The following PARD3 variants were observed in gnomAD, a reference collection of about 807,000 sequenced individuals.
PARD3 encodes the protein partitioning defective 3 homolog.
Under a neutral mutation model 155.4 loss-of-function variants are expected in PARD3, and 75 were observed. The ratio of observed to expected loss-of-function variants is 0.48; its 90% CI spans 0.40 to 0.58. PARD3 has a LOEUF of 0.58. PARD3 is among the 20% of genes least tolerant of loss of function. The pLI, the probability that PARD3 is intolerant of heterozygous loss-of-function variation, is 0.00. For synonymous variants in PARD3, 576 were observed against 610.5 expected, an observed-to-expected ratio of 0.94 and a Z score of 0.83; for missense variants, 1,642 against 1,721.7, an observed-to-expected ratio of 0.95 and a Z score of 0.82.
intron 14 of PARD3, among the ~76,000 whole-genome samples, chr10:34,353,153 G>C (rs1379283529): frequency 6.6e-6 from 1 of 152,032 alleles, no homozygotes; most frequent in Non-Finnish European, 1.5e-5. Context: ...CGCCCGGCCA[G>C]CCGCCCCGTC....
chr10:34,535,894 G>C lies in PARD3; in HGVS notation c.223-18735C>G, dbSNP rs886498045. ...CCATGTCAATGCTCAAAATTTTGTTGGTACAAAAATGCTTTTCCTTCAAAG... is the reference window on the plus strand; with the variant it reads ...CCATGTCAATGCTCAAAATTTTGTTCGTACAAAAATGCTTTTCCTTCAAAG... On this transcript the variant is annotated intron_variant, in intron 2 of 24. Coordinates refer to ENST00000374788, the MANE Select transcript of PARD3 (RefSeq NM_001184785.2). Among the ~76,000 whole-genome samples the C allele has an allele frequency of 3.9e-5, 6 of 151,934 alleles. No homozygotes were observed. The East Asian group carries it at 1.2e-3, about 29-fold the overall frequency.
chr10:34,730,740 C>T (rs2094802405), intron 1 of PARD3, among the ~76,000 whole-genome samples: 1 of 152,152 alleles, frequency 6.6e-6, no homozygotes, highest in Non-Finnish European at 1.5e-5. Context: ...TGAGCTATGA[C>T]TGCAACACTG....
intron 2 of PARD3, among the ~76,000 whole-genome samples, chr10:34,607,583 T>G (rs1317628209): frequency 2.0e-5 from 3 of 152,236 alleles, no homozygotes; most frequent in Admixed American, 6.5e-5. Flanking sequence ...AGGTGATATC[T>G]GTTCACATGA....
chr10:34,334,001 A>AT (rs1298310775), intron 18 of PARD3, among the ~76,000 whole-genome samples: 1 of 151,962 alleles, frequency 6.6e-6, no homozygotes, highest in Non-Finnish European at 1.5e-5. Flanking sequence ...AGTAATGAAA[A>AT]TTGAAAAAGT....
chr10:34,197,197 T>C (rs1469989408), intron 22 of PARD3, among the ~76,000 whole-genome samples: 18 of 152,220 alleles, frequency 1.2e-4, no homozygotes, highest in Admixed American at 9.2e-4. Flanking sequence ...AAACGATCTA[T>C]CACAGTGACC....
At chr10:34,481,289 C>A (rs1319578471) in intron 3 of PARD3, among the ~76,000 whole-genome samples, 1 of 152,094 alleles carries the variant, frequency 6.6e-6, no homozygotes, top group Non-Finnish European at 1.5e-5. Context: ...AGTGTGTGTT[C>A]AGGGACTCCT....
intron 2 of PARD3, among the ~76,000 whole-genome samples, chr10:34,624,096 C>G (rs1274502243): frequency 6.6e-6 from 1 of 152,176 alleles, no homozygotes; most frequent in Non-Finnish European, 1.5e-5. Flanking sequence ...TCCTATTCCA[C>G]ATGGTTTTTT....
At chr10:34,142,499 C>T (rs1182484480) in intron 22 of PARD3, among the ~76,000 whole-genome samples, 1 of 151,316 alleles carries the variant, frequency 6.6e-6, no homozygotes, top group East Asian at 1.9e-4. Context: ...TGCACCACTG[C>T]ACTCTAGCCT....
At chr10:34,359,389 TAATA>T (rs1355467878) in intron 13 of PARD3, 72 bp from the exon 14 acceptor site, 3 of 1,095,374 alleles carry the variant, frequency 2.7e-6, no homozygotes, top group Non-Finnish European at 3.9e-6. Context: ...TTCCTTTAGT[TAATA>T]AATAAAATAA....
intron 14 of PARD3, among the ~76,000 whole-genome samples, chr10:34,352,493 G>C (rs1429670436): frequency 6.6e-6 from 1 of 152,212 alleles, no homozygotes; most frequent in Non-Finnish European, 1.5e-5. Context: ...TTGCAGGCAC[G>C]CGCCGCCACG....
chr10:34,814,826 G>GCGCCGTCCCCGC (rs1588884786), intron 1 of PARD3, 50 bp downstream of exon 1: 3 of 1,299,636 alleles, frequency 2.3e-6, no homozygotes, highest in Admixed American at 2.2e-5. Flanking sequence ...ATTGATCCCG[G>GCGCCGTCCCCGC]CGCCGTCCCC....
chr10:34,294,305 T>C (rs530235905), intron 20 of PARD3, among the ~76,000 whole-genome samples: 2 of 152,340 alleles, frequency 1.3e-5, no homozygotes, highest in East Asian at 1.9e-4. Context: ...GTGATACACA[T>C]ACATACGTTA....
chr10:34,761,852 T>A (rs1247745523), intron 1 of PARD3, among the ~76,000 whole-genome samples: 2 of 152,166 alleles, frequency 1.3e-5, no homozygotes, highest in East Asian at 1.9e-4. Context: ...ATGTATATCA[T>A]GATAAACGAA....
At chr10:34,271,184 A>G (rs1303005973) in intron 21 of PARD3, among the ~76,000 whole-genome samples, 1 of 152,184 alleles carries the variant, frequency 6.6e-6, no homozygotes, top group Non-Finnish European at 1.5e-5. Flanking sequence ...ATAAACATAT[A>G]TTCAAAAGAA....
At chr10:34,130,639 G>T (rs1201848720) in intron 23 of PARD3, among the ~76,000 whole-genome samples, 2 of 152,164 alleles carry the variant, frequency 1.3e-5, no homozygotes, top group Admixed American at 1.3e-4. Flanking sequence ...TGAGACACAA[G>T]ATCAGAACAC....
At chr10:34,174,845 GA>G (rs1949963944) in intron 22 of PARD3, among the ~76,000 whole-genome samples, 1 of 152,024 alleles carries the variant, frequency 6.6e-6, no homozygotes, top group African/African-American at 2.4e-5. Context: ...GATTTTACTG[GA>G]AAAAAATAAT....
intron 2 of PARD3, among the ~76,000 whole-genome samples, chr10:34,540,905 AC>A: frequency 6.6e-6 from 1 of 152,368 alleles, no homozygotes; most frequent in African/African-American, 2.4e-5. Context: ...AACAGATTTT[AC>A]AATGAAGTTT....
At chr10:34,343,871 A>C (rs1433030851) in intron 15 of PARD3, 1 of 983,406 alleles carries the variant, frequency 1.0e-6, no homozygotes, top group African/African-American at 1.7e-5. Flanking sequence ...TGAAATACAA[A>C]ATGTTTGTTT....
Position 34,337,420 on chromosome 10 carries a change from C to T in PARD3, c.2415G>A (p.Leu805=). The T allele has an allele frequency of 6.4e-7, 1 of 1,565,662 alleles. No individual in the cohort carries two copies. The highest frequency in any genetic ancestry group is 8.6e-7 in the Non-Finnish European group (1 of 1,160,942). The change falls in exon 17 of 25, where the codon TTG becomes TTA. Residue 805 remains leucine, a synonymous_variant. Coordinates refer to ENST00000374788, the MANE Select transcript of PARD3 (RefSeq NM_001184785.2). ...CAAGAACTGGATCAACATCTGGACT[C>T]AAAGAGCTGGAGTGAAGAAAAAATA... ...AAISDSADCS[L]SPDVDPVLAF...
Sources: allele counts gnomAD v4.1 joint callset (sites outside exome capture counted in the v4.1 genomes callset), GRCh38; gene constraint gnomAD v4.1.1; transcripts MANE v1.5; gene names NCBI Gene and HGNC (gene_info 2026-07-23, HGNC 2026-07-21).